CCDC12: variants seen among roughly 807,000 people sequenced by gnomAD.
CCDC12 encodes the protein coiled-coil domain containing 12, also known as coiled-coil domain-containing protein 12.
In CCDC12, 28 loss-of-function variants were observed where a neutral mutation model predicts 25.7. That is an observed-to-expected ratio of 1.09 (90% CI 0.81 to 1.50). The LOEUF is 1.50. CCDC12 is among the 40% of genes most tolerant of loss of function. The pLI, the probability that CCDC12 is intolerant of heterozygous loss-of-function variation, is 0.00. For missense variants in CCDC12, 198 were observed against 210.0 expected (o/e 0.94, Z 0.35); for synonymous variants, 75 against 87.7 (o/e 0.86, Z 0.81).
At chr3:46,924,380 CA>C (rs1175243457) in intron 3 of CCDC12, among the ~76,000 whole-genome samples, 5 of 152,188 alleles carry the variant, frequency 3.3e-5, no homozygotes, top group African/African-American at 1.2e-4. Context: ...CCCAGTGCAC[CA>C]TTACCCTACC....
chr3:46,937,912 T>G (rs1268007300), intron 2 of CCDC12, among the ~76,000 whole-genome samples: 3 of 152,160 alleles, frequency 2.0e-5, no homozygotes, highest in Non-Finnish European at 4.4e-5. Flanking sequence ...CTCTGGGGCC[T>G]ACAAATACAG....
intron 2 of CCDC12, among the ~76,000 whole-genome samples, chr3:46,939,755 A>G (rs146149896): frequency 6.6e-6 from 1 of 152,308 alleles, no homozygotes; most frequent in Non-Finnish European, 1.5e-5. Flanking sequence ...CAGGGCTCTC[A>G]GGATGGTGTG....
In CCDC12 at chr3:46,945,960, T is replaced by C. The variant is rs188068132; in HGVS notation, c.97-4895A>G. 1.2e-4 allele frequency among the ~76,000 whole-genome samples: 19 copies of C among 152,336 alleles called. No individual in the cohort carries two copies. The South Asian group carries it at 2.1e-3, about 17-fold the overall frequency. ...CTCGGTGTTTCAACAATGGCTTTGCTCCTCAGTCACCTCTCTCTGGAAGGA... is the reference window on the plus strand; with the variant it reads ...CTCGGTGTTTCAACAATGGCTTTGCCCCTCAGTCACCTCTCTCTGGAAGGA... On this transcript the variant is annotated intron_variant, in intron 1 of 6. Transcript: ENST00000683445.
At chr3:46,925,147 C>A in intron 3 of CCDC12, 1 of 529,304 alleles carries the variant, frequency 1.9e-6, no homozygotes, top group Non-Finnish European at 3.6e-6. Context: ...ACCACATCCA[C>A]TTCTCAGCCA....
chr3:46,973,674 C>T (rs1230144077), intron 1 of CCDC12, among the ~76,000 whole-genome samples: 65 of 143,992 alleles, frequency 4.5e-4, no homozygotes, highest in African/African-American at 1.5e-3. Flanking sequence ...AGTGCAGTGG[C>T]GCATCTCAGC....
intron 1 of CCDC12, among the ~76,000 whole-genome samples, chr3:46,971,869 A>C (rs2034812106): frequency 6.6e-6 from 1 of 152,162 alleles, no homozygotes; most frequent in African/African-American, 2.4e-5. Flanking sequence ...TCACATCAGA[A>C]ACCTGAACTA....
intron 1 of CCDC12, among the ~76,000 whole-genome samples, chr3:46,964,063 C>T (rs2034556581): frequency 6.6e-6 from 1 of 151,596 alleles, no homozygotes. Flanking sequence ...CGCCTTTGCC[C>T]CGCCGCCCCG....
intron 1 of CCDC12, among the ~76,000 whole-genome samples, chr3:46,974,633 C>G (rs1349332574): frequency 6.6e-6 from 1 of 152,216 alleles, no homozygotes; most frequent in Non-Finnish European, 1.5e-5. Flanking sequence ...CTTTCACACC[C>G]TATTACTTCC....
chr3:46,981,422 C>T (rs988607223), upstream of CCDC12, among the ~76,000 whole-genome samples: 1 of 152,222 alleles, frequency 6.6e-6, no homozygotes, highest in Admixed American at 6.5e-5. Flanking sequence ...AGCCTGGTGA[C>T]AGAGTGAGAC....
At chr3:46,967,328 A>AC in intron 1 of CCDC12, among the ~76,000 whole-genome samples, 1 of 151,140 alleles carries the variant, frequency 6.6e-6, no homozygotes, top group South Asian at 2.1e-4. Flanking sequence ...TGGTTCCCCA[A>AC]CCCCCTTAGC....
chr3:46,924,970 C>T (rs532076146), intron 3 of CCDC12: 45 of 313,086 alleles, frequency 1.4e-4, no homozygotes, highest in Non-Finnish European at 2.2e-4. Context: ...GCTGTTCCCA[C>T]GCCATGGCAA....
upstream of CCDC12, chr3:46,979,714 C>G: frequency 6.5e-6 from 2 of 308,498 alleles, no homozygotes; most frequent in Non-Finnish European, 1.2e-5. Context: ...GCCGCGGAGG[C>G]CACAGCCGCA....
upstream of CCDC12, among the ~76,000 whole-genome samples, chr3:46,978,190 G>A (rs1045457767): frequency 2.6e-5 from 4 of 152,164 alleles, no homozygotes; most frequent in Non-Finnish European, 5.9e-5. Flanking sequence ...TAACCCTCTT[G>A]TCCTCACTAA....
chr3:46,925,412 T>G, intron 3 of CCDC12, 44 bp downstream of exon 3: 2 of 1,544,524 alleles, frequency 1.3e-6, no homozygotes, highest in South Asian at 2.2e-5. Context: ...GGAGGGTGGC[T>G]GACAGTGCCA....
At chr3:46,948,531 T>C (rs1203967372) in intron 1 of CCDC12, among the ~76,000 whole-genome samples, 1 of 152,148 alleles carries the variant, frequency 6.6e-6, no homozygotes, top group Non-Finnish European at 1.5e-5. Context: ...AAAAAGGTGG[T>C]GGCACTTAGG....
intron 1 of CCDC12, among the ~76,000 whole-genome samples, chr3:46,942,534 A>G (rs2033750379): frequency 6.6e-6 from 1 of 152,248 alleles, no homozygotes. Flanking sequence ...TGCCATTGAC[A>G]ACTGCCTTCC....
In CCDC12 at chr3:46,938,524, T is replaced by TG. The variant is rs1168147318; in HGVS notation, c.164+2473_164+2474insC. Reference sequence around the variant, plus strand: ...ACAGGTTTGTTCCCCTCCTGTTTTTTTTTTTTTTTTTTTTTTTTTGGTACA... The same window carrying TG: ...ACAGGTTTGTTCCCCTCCTGTTTTTTGTTTTTTTTTTTTTTTTTTTGGTACA... On this transcript the variant is annotated intron_variant, in intron 2 of 6. Coordinates refer to ENST00000683445, the MANE Select transcript of CCDC12 (RefSeq NM_001277074.2). Among the ~76,000 whole-genome samples the TG allele has an allele frequency of 2.2e-4, 32 of 144,058 alleles. No homozygotes were observed. The East Asian group carries it at 2.9e-3, about 13-fold the overall frequency. 94.5% of individuals were successfully genotyped at this position (144,058 alleles called of 152,430 possible).
intron 1 of CCDC12, among the ~76,000 whole-genome samples, chr3:46,973,442 C>G (rs2034867241): frequency 6.7e-6 from 1 of 148,704 alleles, no homozygotes; most frequent in African/African-American, 2.5e-5. Flanking sequence ...CTGCAGTGAG[C>G]TGAGATTGCA....
Position 46,976,521 on chromosome 3 carries a change from G to A in CCDC12, c.96+116C>T, listed in dbSNP as rs2034998559. ...TCTTCTCGCGCATGCGTTAGCGCCCGCGCATGCGCGCCCTCGGCAGCTGTC... is the reference window on the plus strand; with the variant it reads ...TCTTCTCGCGCATGCGTTAGCGCCCACGCATGCGCGCCCTCGGCAGCTGTC... On this transcript the variant is annotated intron_variant, in intron 1 of 6. Transcript: ENST00000683445. 4 of 1,451,142 alleles carry A rather than the reference G, an allele frequency of 2.8e-6. No individual in the cohort carries two copies. In the Admixed American group the frequency reaches 1.1e-4, roughly 38 times the overall value. 89.9% of individuals were successfully genotyped at this position (1,451,142 alleles called of 1,614,324 possible). A position where few individuals can be genotyped will look rare whatever the true frequency, so the allele number is the denominator to read the frequency against.
Sources: allele counts gnomAD v4.1 joint callset (sites outside exome capture counted in the v4.1 genomes callset), GRCh38; gene constraint gnomAD v4.1.1; transcripts MANE v1.5; gene names NCBI Gene and HGNC (gene_info 2026-07-23, HGNC 2026-07-21).